The following CTNNA3 variants were observed in gnomAD, a reference collection of about 807,000 sequenced individuals.
The protein encoded by CTNNA3 is catenin alpha-3.
A neutral mutation model predicts 95.7 loss-of-function variants in CTNNA3; 76 were observed. That is an observed-to-expected ratio of 0.79 (90% CI 0.66 to 0.96). CTNNA3 has a LOEUF of 0.96. Among genes scored for constraint, CTNNA3 ranks in the 40% least tolerant of loss-of-function variants. The pLI is 0.00. For missense variants in CTNNA3, 1,191 were observed against 1,089.8 expected (o/e 1.09, Z -1.31); for synonymous variants, 431 against 374.4 (o/e 1.15, Z -1.74).
chr10:67,164,282 A>G (rs989692010), intron 7 of CTNNA3, among the ~76,000 whole-genome samples: 1 of 152,142 alleles, frequency 6.6e-6, no homozygotes, highest in Admixed American at 6.5e-5. Flanking sequence ...CCAATAAAAT[A>G]GAATCATGAA....
chr10:66,725,378 A>G (rs1486933657), intron 9 of CTNNA3, among the ~76,000 whole-genome samples: 1 of 152,158 alleles, frequency 6.6e-6, no homozygotes, highest in Non-Finnish European at 1.5e-5. Context: ...TTTACAAACC[A>G]TCTCCTATAG....
At chr10:67,227,121 TGC>T (rs1864962276) in intron 5 of CTNNA3, among the ~76,000 whole-genome samples, 1 of 148,264 alleles carries the variant, frequency 6.7e-6, no homozygotes. Flanking sequence ...GATGGAGTTT[TGC>T]TCTTGTTGCC....
intron 7 of CTNNA3, among the ~76,000 whole-genome samples, chr10:67,153,803 T>C (rs1183686007): frequency 6.6e-6 from 1 of 152,208 alleles, no homozygotes; most frequent in African/African-American, 2.4e-5. Context: ...ACATAAAGTA[T>C]GGAATATTTT....
chr10:66,424,775 T>C (rs2093224939), intron 11 of CTNNA3, among the ~76,000 whole-genome samples: 1 of 152,098 alleles, frequency 6.6e-6, no homozygotes, highest in African/African-American at 2.4e-5. Context: ...GGGGTATTAA[T>C]TAAGACTTTG....
intron 5 of CTNNA3, among the ~76,000 whole-genome samples, chr10:67,505,150 T>G (rs1413275203): frequency 1.3e-5 from 2 of 152,224 alleles, no homozygotes; most frequent in Non-Finnish European, 2.9e-5. Flanking sequence ...TGACCCAAGG[T>G]GAGAAGAAAT....
intron 7 of CTNNA3, among the ~76,000 whole-genome samples, chr10:66,917,305 G>A (rs1392594885): frequency 2.6e-5 from 4 of 152,198 alleles, no homozygotes; most frequent in Non-Finnish European, 5.9e-5. Context: ...GCTGTTAGTT[G>A]CAAGAGTATC....
chr10:67,722,649 G>A lies in CTNNA3; in HGVS notation c.-2+40785C>T, dbSNP rs114024074. On this transcript the variant is annotated intron_variant, in intron 1 of 17. Coordinates refer to the CTNNA3 transcript ENST00000684154. ...ATAATTATGTATCAGAAGCACTAAC[G>A]CCTCCAGAAATGCTATCTGAAAGAA... Among the ~76,000 whole-genome samples, 387 of 152,174 alleles carry A rather than the reference G, an allele frequency of 2.5e-3. 2 individuals are homozygous for A. The highest frequency in any genetic ancestry group is 8.8e-3 in the African/African-American group (365 of 41,536).
intron 9 of CTNNA3, among the ~76,000 whole-genome samples, chr10:66,722,904 A>T (rs12772886): frequency 0.024 from 3,655 of 152,192 alleles, 185 homozygotes; most frequent in East Asian, 0.22. Context: ...GGGACTCAAG[A>T]GATTCCAGGA....
At chr10:67,104,012 T>C (rs1319190847) in intron 7 of CTNNA3, among the ~76,000 whole-genome samples, 1 of 151,768 alleles carries the variant, frequency 6.6e-6, no homozygotes, top group Non-Finnish European at 1.5e-5. Flanking sequence ...AATATTGATG[T>C]CATATTTTTA....
At chr10:67,548,089 G>T (rs887331951) in intron 3 of CTNNA3, among the ~76,000 whole-genome samples, 1 of 152,146 alleles carries the variant, frequency 6.6e-6, no homozygotes, top group Non-Finnish European at 1.5e-5. Flanking sequence ...TCATGAGGGT[G>T]CATCCCTTAT....
intron 17 of CTNNA3, among the ~76,000 whole-genome samples, chr10:65,957,081 G>A (rs1414055486): frequency 1.3e-5 from 2 of 152,114 alleles, no homozygotes; most frequent in African/African-American, 4.8e-5. Context: ...TCTGTATTGG[G>A]TGCATATATA....
intron 7 of CTNNA3, among the ~76,000 whole-genome samples, chr10:66,826,017 G>A (rs1842493932): frequency 6.6e-6 from 1 of 152,056 alleles, no homozygotes; most frequent in African/African-American, 2.4e-5. Context: ...TCTTATCCAA[G>A]TGTCATTTAG....
chr10:66,776,065 C>T (rs1589242003), intron 7 of CTNNA3, among the ~76,000 whole-genome samples: 1 of 152,158 alleles, frequency 6.6e-6, no homozygotes, highest in African/African-American at 2.4e-5. Context: ...GAACTGGACG[C>T]TGTTTTTGGC....
At chr10:66,708,988 C>T (rs1224884591) in intron 9 of CTNNA3, among the ~76,000 whole-genome samples, 1 of 152,020 alleles carries the variant, frequency 6.6e-6, no homozygotes, top group Admixed American at 6.6e-5. Context: ...ATACTTATCA[C>T]CTCACCAAGT....
chr10:66,567,309 C>T, intron 10 of CTNNA3, among the ~76,000 whole-genome samples: 1 of 151,990 alleles, frequency 6.6e-6, no homozygotes, highest in Admixed American at 6.6e-5. Context: ...ACTAAGAGCT[C>T]CAATAGTCTA....
chr10:66,731,238 TC>T (rs1299703741), intron 9 of CTNNA3, among the ~76,000 whole-genome samples: 1 of 152,292 alleles, frequency 6.6e-6, no homozygotes, highest in African/African-American at 2.4e-5. Flanking sequence ...GCAATCTGAA[TC>T]CCCAAGTTCA....
At chr10:67,721,000 G>C (rs1251441100) in intron 1 of CTNNA3, among the ~76,000 whole-genome samples, 1 of 152,126 alleles carries the variant, frequency 6.6e-6, no homozygotes, top group East Asian at 1.9e-4. Flanking sequence ...TGGCTTGAAA[G>C]GTTTCTGCAG....
chr10:65,955,290 G>C (rs1322556314), intron 17 of CTNNA3, among the ~76,000 whole-genome samples: 2 of 152,148 alleles, frequency 1.3e-5, no homozygotes, highest in Non-Finnish European at 2.9e-5. Flanking sequence ...ATTTTGGGTT[G>C]AGACGATGGG....
chr10:66,443,170 G>T (rs2093388718), intron 11 of CTNNA3, among the ~76,000 whole-genome samples: 1 of 152,160 alleles, frequency 6.6e-6, no homozygotes, highest in East Asian at 1.9e-4. Flanking sequence ...AGCTCGAACT[G>T]GGTGGAGCCC....
Sources: gnomAD v4.1 joint callset for allele counts (sites outside exome capture counted in the v4.1 genomes callset) on GRCh38, gnomAD v4.1.1 for gene constraint, MANE v1.5 for transcripts, NCBI Gene and HGNC (gene_info 2026-07-23, HGNC 2026-07-21) for gene names.